Variants in SOX5 observed in about 807,000 individuals in gnomAD.
SOX5 encodes the protein SRY-box transcription factor 5.
A neutral mutation model predicts 92.0 loss-of-function variants in SOX5; 9 were observed. The ratio of observed to expected loss-of-function variants is 0.10; its 90% CI spans 0.06 to 0.17. SOX5 has a LOEUF of 0.17. Among genes scored for constraint, SOX5 ranks in the 10% least tolerant of loss-of-function variants. The pLI is 1.00. For missense variants in SOX5, 642 were observed against 944.5 expected (o/e 0.68, Z 4.20); for synonymous variants, 344 against 336.3 (o/e 1.02, Z -0.25).
intron 1 of SOX5, among the ~76,000 whole-genome samples, chr12:24,412,051 G>A (rs1964196837): frequency 6.6e-6 from 1 of 152,108 alleles, no homozygotes; most frequent in South Asian, 2.1e-4. Context: ...GTGAATTTAT[G>A]TGTGTAGAGT....
At chr12:24,149,293 A>T (rs1454182791) in intron 4 of SOX5, among the ~76,000 whole-genome samples, 4 of 152,172 alleles carry the variant, frequency 2.6e-5, no homozygotes, top group Non-Finnish European at 4.4e-5. Context: ...CAGAAAATAC[A>T]AATCATATAT....
chr12:24,373,546 T>A, intron 1 of SOX5, among the ~76,000 whole-genome samples: 1 of 152,320 alleles, frequency 6.6e-6, no homozygotes, highest in East Asian at 1.9e-4. Context: ...AATAAATATA[T>A]TCTTATTTTA....
intron 1 of SOX5, among the ~76,000 whole-genome samples, chr12:24,419,667 T>C (rs2061633488): frequency 6.6e-6 from 1 of 152,250 alleles, no homozygotes; most frequent in Admixed American, 6.5e-5. Context: ...AGCTATGCTG[T>C]GCTAGTGCTT....
At chr12:23,704,469 T>C (rs2091094556) in intron 6 of SOX5, among the ~76,000 whole-genome samples, 1 of 151,490 alleles carries the variant, frequency 6.6e-6, no homozygotes, top group African/African-American at 2.4e-5. Flanking sequence ...GGCATTAAAA[T>C]GCCAAGCCCT....
intron 2 of SOX5, among the ~76,000 whole-genome samples, chr12:23,867,558 T>C (rs1595189832): frequency 6.6e-6 from 1 of 152,278 alleles, no homozygotes; most frequent in Non-Finnish European, 1.5e-5. Context: ...TGTGTTACTA[T>C]TGGTCTTTAA....
At chr12:24,253,656 C>A (rs1055003084) in intron 3 of SOX5, among the ~76,000 whole-genome samples, 1 of 152,164 alleles carries the variant, frequency 6.6e-6, no homozygotes, top group Admixed American at 6.5e-5. Context: ...AGGAATGTGG[C>A]GCACATTGTA....
At chr12:24,342,080 T>C (rs944908173) in intron 2 of SOX5, among the ~76,000 whole-genome samples, 14 of 152,326 alleles carry the variant, frequency 9.2e-5, no homozygotes, top group East Asian at 5.8e-4. Context: ...GCCAATTTAC[T>C]GCCACATATG....
intron 3 of SOX5, among the ~76,000 whole-genome samples, chr12:23,810,611 G>A (rs1233495883): frequency 2.6e-5 from 4 of 152,140 alleles, no homozygotes; most frequent in Non-Finnish European, 5.9e-5. Flanking sequence ...GAATTGTGTC[G>A]CTTTTTCTCC....
intron 1 of SOX5, among the ~76,000 whole-genome samples, chr12:23,927,267 C>T (rs772743052): frequency 1.2e-4 from 18 of 152,068 alleles, no homozygotes; most frequent in Admixed American, 3.9e-4. Flanking sequence ...CTTCTACTTA[C>T]GGGAGAAAGA....
intron 2 of SOX5, among the ~76,000 whole-genome samples, chr12:23,865,164 TG>T (rs1224369369): frequency 6.6e-6 from 1 of 152,204 alleles, no homozygotes; most frequent in Non-Finnish European, 1.5e-5. Context: ...GTTTACAACA[TG>T]GTTTACTATT....
At chr12:24,330,679 G>A (rs1340178793) in intron 2 of SOX5, among the ~76,000 whole-genome samples, 2 of 152,196 alleles carry the variant, frequency 1.3e-5, no homozygotes, top group Non-Finnish European at 2.9e-5. Flanking sequence ...TCTATCTTTG[G>A]AAACAGCTTG....
chr12:24,262,976 C>T (rs1942389065), intron 3 of SOX5, among the ~76,000 whole-genome samples: 2 of 152,136 alleles, frequency 1.3e-5, no homozygotes, highest in South Asian at 4.1e-4. Context: ...AATCCCAGCA[C>T]TCTGGGAGGC....
intron 4 of SOX5, among the ~76,000 whole-genome samples, chr12:24,170,592 C>A (rs1197677719): frequency 6.6e-6 from 1 of 152,138 alleles, no homozygotes; most frequent in East Asian, 1.9e-4. Flanking sequence ...CACACATGTA[C>A]CTATTTGAAT....
At chr12:24,241,468 A>G (rs1318350691) in intron 3 of SOX5, among the ~76,000 whole-genome samples, 1 of 152,196 alleles carries the variant, frequency 6.6e-6, no homozygotes, top group Non-Finnish European at 1.5e-5. Flanking sequence ...GTATGTCAAG[A>G]GGGTTCCTTA....
chr12:24,400,787 T>A (rs960421870), intron 1 of SOX5, among the ~76,000 whole-genome samples: 2 of 152,104 alleles, frequency 1.3e-5, no homozygotes, highest in Non-Finnish European at 2.9e-5. Flanking sequence ...AGATACCAAA[T>A]AGGTTCAAAT....
At chr12:24,387,062 TA>T in intron 1 of SOX5, among the ~76,000 whole-genome samples, 1 of 152,338 alleles carries the variant, frequency 6.6e-6, no homozygotes, top group South Asian at 2.1e-4. Context: ...ATTATACTGG[TA>T]TATATTTAAT....
intron 6 of SOX5, among the ~76,000 whole-genome samples, chr12:23,679,000 G>A (rs777646811): frequency 6.6e-6 from 1 of 152,134 alleles, no homozygotes; most frequent in Non-Finnish European, 1.5e-5. Flanking sequence ...ATTTCAGCAT[G>A]TAAATTCTTC....
chr12:23,636,138 A>G (rs2079201595), intron 8 of SOX5, among the ~76,000 whole-genome samples: 1 of 152,234 alleles, frequency 6.6e-6, no homozygotes, highest in Non-Finnish European at 1.5e-5. Context: ...AGGGAGATTT[A>G]AAATGTGTAA....
intron 4 of SOX5, among the ~76,000 whole-genome samples, chr12:24,135,832 A>AG (rs1950061228): frequency 6.6e-6 from 1 of 152,146 alleles, no homozygotes; most frequent in African/African-American, 2.4e-5. Flanking sequence ...GATGTTGGGA[A>AG]GGGCTGCATG....
Sources: gnomAD v4.1 joint callset for allele counts (sites outside exome capture counted in the v4.1 genomes callset) on GRCh38, gnomAD v4.1.1 for gene constraint, MANE v1.5 for transcripts, NCBI Gene and HGNC (gene_info 2026-07-23, HGNC 2026-07-21) for gene names.